The following FRMD4A variants were observed in gnomAD, a reference collection of about 807,000 sequenced individuals.
FRMD4A encodes FERM domain containing 4A.
FRMD4A carries 29 observed loss-of-function variants against 129.1 expected under a neutral mutation model. The observed-to-expected ratio is 0.22, with a 90% CI of 0.17 to 0.31. The LOEUF (loss-of-function observed/expected upper bound fraction) is 0.31, where lower values mean the gene tolerates loss of function less well. FRMD4A is among the 10% of genes least tolerant of loss of function. The pLI, the probability that FRMD4A is intolerant of heterozygous loss-of-function variation, is 1.00. For synonymous variants in FRMD4A, 634 were observed against 571.6 expected (o/e 1.11, Z -1.56); for missense variants, 1,272 against 1,375.8 (o/e 0.92, Z 1.19).
At chr10:14,200,920 G>A (rs575953999) in intron 2 of FRMD4A, among the ~76,000 whole-genome samples, 3 of 152,186 alleles carry the variant, frequency 2.0e-5, no homozygotes, top group African/African-American at 7.2e-5. Context: ...TCCCCATGAA[G>A]CCATTCTGGC....
intron 2 of FRMD4A, among the ~76,000 whole-genome samples, chr10:14,065,215 G>T (rs920293895): frequency 4.6e-5 from 7 of 151,800 alleles, no homozygotes; most frequent in Non-Finnish European, 2.9e-5. Flanking sequence ...GGAGGATCTC[G>T]CTCTGTCACC....
chr10:13,874,734 C>G (rs1333040294), intron 2 of FRMD4A, among the ~76,000 whole-genome samples: 1 of 152,176 alleles, frequency 6.6e-6, no homozygotes, highest in East Asian at 1.9e-4. Context: ...TAGGAATTTT[C>G]CCCATCGAAA....
At chr10:13,850,619 G>A (rs2094127792) in intron 3 of FRMD4A, among the ~76,000 whole-genome samples, 1 of 152,162 alleles carries the variant, frequency 6.6e-6, no homozygotes, top group South Asian at 2.1e-4. Flanking sequence ...GATAAGGTTC[G>A]AAGTCTTTGG....
At position 13,810,532 on chromosome 10, in the gene FRMD4A, T is replaced by TA. The variant is rs1011257487; in HGVS notation, c.206+281dup. 5.9e-5 allele frequency among the ~76,000 whole-genome samples: 9 copies of TA among 151,538 alleles called. No homozygotes were observed. The East Asian group carries it at 7.7e-4, about 13-fold the overall frequency. On this transcript the variant is annotated intron_variant, in intron 4 of 24. Coordinates refer to ENST00000357447, the MANE Select transcript of FRMD4A (RefSeq NM_018027.5). The stretch of plus-strand genomic sequence containing the variant: ...GAAAACAAACTCACATAGATCCACT[T>TA]AAAAAAAAATAAACATTTCAGTCTG...
At chr10:14,262,144 C>T (rs1051033650) in intron 2 of FRMD4A, among the ~76,000 whole-genome samples, 39 of 152,312 alleles carry the variant, frequency 2.6e-4, no homozygotes, top group African/African-American at 9.6e-5. Context: ...AACCCATCTT[C>T]GAGCGGCAAA....
At chr10:13,958,049 T>G (rs1296512174) in intron 2 of FRMD4A, among the ~76,000 whole-genome samples, 2 of 152,160 alleles carry the variant, frequency 1.3e-5, no homozygotes, top group Non-Finnish European at 2.9e-5. Context: ...TCCAGTGGTA[T>G]TTCTTGTCGG....
chr10:14,191,631 T>C (rs1268700891), intron 2 of FRMD4A, among the ~76,000 whole-genome samples: 1 of 152,222 alleles, frequency 6.6e-6, no homozygotes, highest in African/African-American at 2.4e-5. Flanking sequence ...TGCTATGGCA[T>C]CATAAAAGCG....
intron 2 of FRMD4A, among the ~76,000 whole-genome samples, chr10:14,181,229 A>G (rs1457034824): frequency 1.3e-5 from 2 of 152,276 alleles, no homozygotes; most frequent in African/African-American, 4.8e-5. Context: ...GAAAACATCT[A>G]AAGAGCAGAG....
At chr10:13,833,391 G>A (rs1392486575) in intron 3 of FRMD4A, among the ~76,000 whole-genome samples, 1 of 152,188 alleles carries the variant, frequency 6.6e-6, no homozygotes, top group East Asian at 1.9e-4. Context: ...ACCGTCCCCA[G>A]GATGCAATTA....
intron 2 of FRMD4A, among the ~76,000 whole-genome samples, chr10:14,077,682 T>A (rs769395772): frequency 6.6e-6 from 1 of 152,206 alleles, no homozygotes; most frequent in Non-Finnish European, 1.5e-5. Flanking sequence ...AAGTGATTCA[T>A]TGGAGCAATC....
intron 2 of FRMD4A, among the ~76,000 whole-genome samples, chr10:13,956,344 G>T (rs2131347118): frequency 6.6e-6 from 1 of 152,226 alleles, no homozygotes; most frequent in Admixed American, 6.5e-5. Context: ...TAGAGATGGG[G>T]TTTCGCCATG....
intron 2 of FRMD4A, among the ~76,000 whole-genome samples, chr10:13,881,005 AG>A (rs1350168227): frequency 7.9e-5 from 12 of 152,080 alleles, no homozygotes; most frequent in Non-Finnish European, 1.5e-4. Flanking sequence ...GCATACCAAT[AG>A]GTATGTGTTG....
Position 13,646,111 on chromosome 10 carries a change from G to C in FRMD4A, c.*927C>G, listed in dbSNP as rs557641252. The C allele has an allele frequency of 6.5e-6, 1 of 152,688 alleles. No homozygotes were observed. Among genetic ancestry groups the C allele is most frequent in the Non-Finnish European group, 1.5e-5 (1 of 68,084 alleles). The allele number at this position is 152,688 out of a possible 1,614,324, so 9.5% of individuals were successfully genotyped here. Reference sequence around the variant, plus strand: ...TGGCGACTGTGAGTCAGCAACGCCAGCCAAGACTTCCTCGCCTTTACCGTG... The same window carrying C: ...TGGCGACTGTGAGTCAGCAACGCCACCCAAGACTTCCTCGCCTTTACCGTG... On this transcript the variant is annotated 3_prime_UTR_variant, in exon 25 of 25. Coordinates refer to ENST00000357447, the MANE Select transcript of FRMD4A (RefSeq NM_018027.5).
In FRMD4A at chr10:13,921,978, G is replaced by A. The variant is rs191547746; in HGVS notation, c.46-63066C>T. Among the ~76,000 whole-genome samples the A allele has an allele frequency of 1.2e-3, 179 of 152,276 alleles. 1 individual carries two copies. Among genetic ancestry groups the A allele is most frequent in the African/African-American group, 4.1e-3 (170 of 41,548 alleles). Reference sequence around the variant, plus strand: ...GAGGAGGCCTTTGGTAGGCGATTAGGTGTAGATGAGTTCTAAGGGTGGAGC... The same window carrying A: ...GAGGAGGCCTTTGGTAGGCGATTAGATGTAGATGAGTTCTAAGGGTGGAGC... On this transcript the variant is annotated intron_variant, in intron 2 of 24. Transcript: ENST00000357447.
intron 2 of FRMD4A, among the ~76,000 whole-genome samples, chr10:14,032,308 T>C (rs1207548806): frequency 6.6e-6 from 1 of 152,234 alleles, no homozygotes; most frequent in East Asian, 1.9e-4. Flanking sequence ...CCAGAAATCA[T>C]GAAGAAGTGA....
chr10:14,045,220 A>G (rs1289202819), intron 2 of FRMD4A, among the ~76,000 whole-genome samples: 2 of 150,978 alleles, frequency 1.3e-5, no homozygotes, highest in African/African-American at 2.4e-5. Flanking sequence ...TCATGACTTC[A>G]TGTGACTTAC....
At chr10:13,881,771 A>T (rs1319576527) in intron 2 of FRMD4A, among the ~76,000 whole-genome samples, 1 of 151,938 alleles carries the variant, frequency 6.6e-6, no homozygotes, top group African/African-American at 2.4e-5. Context: ...CATAGGATCG[A>T]ACTGCGACTG....
chr10:14,118,433 C>G (rs749432089), intron 2 of FRMD4A, among the ~76,000 whole-genome samples: 3 of 152,194 alleles, frequency 2.0e-5, no homozygotes, highest in Non-Finnish European at 2.9e-5. Context: ...GGATCTTCTT[C>G]CCCTGAATGC....
intron 14 of FRMD4A, among the ~76,000 whole-genome samples, chr10:13,695,773 G>T (rs902634555): frequency 2.6e-5 from 4 of 152,204 alleles, no homozygotes; most frequent in African/African-American, 9.6e-5. Flanking sequence ...GGGGGCGGTG[G>T]TGAAGGCCAT....
Sources: allele counts gnomAD v4.1 joint callset (sites outside exome capture counted in the v4.1 genomes callset), GRCh38; gene constraint gnomAD v4.1.1; transcripts MANE v1.5; gene names NCBI Gene and HGNC (gene_info 2026-07-23, HGNC 2026-07-21).